EXTL3: variants seen among roughly 807,000 people sequenced by gnomAD.
EXTL3 encodes exostosin-like 3.
In EXTL3, 27 loss-of-function variants were observed where a neutral mutation model predicts 69.3. That is an observed-to-expected ratio of 0.39 (90% CI 0.29 to 0.54). The LOEUF is 0.54. Ranked by LOEUF, EXTL3 falls within the 20% of genes least tolerant of loss-of-function variation. EXTL3 has a pLI of 0.69. For missense variants in EXTL3, 1,003 were observed against 1,231.8 expected, an observed-to-expected ratio of 0.81 and a Z score of 2.78; for synonymous variants, 511 against 499.4, an observed-to-expected ratio of 1.02 and a Z score of -0.31.
At chr8:28,671,443 G>A (rs376564432) in intron 1 of EXTL3, among the ~76,000 whole-genome samples, 13 of 151,412 alleles carry the variant, frequency 8.6e-5, no homozygotes, top group Non-Finnish European at 1.5e-4. Context: ...GAGTTCAAGC[G>A]ATTCTTGTGC....
chr8:28,730,069 G>A (rs1801506773), intron 3 of EXTL3: 1 of 152,212 alleles, frequency 6.6e-6, no homozygotes, highest in African/African-American at 2.4e-5. Context: ...TCCTGGCAAG[G>A]AGGGTGTGGC....
At chr8:28,663,236 C>T (rs1807143944) in intron 1 of EXTL3, among the ~76,000 whole-genome samples, 1 of 152,140 alleles carries the variant, frequency 6.6e-6, no homozygotes, top group African/African-American at 2.4e-5. Context: ...CCCCAGGAAA[C>T]ATGCCATGGT....
chr8:28,644,900 A>T (rs1219827963), intron 1 of EXTL3, among the ~76,000 whole-genome samples: 1 of 152,206 alleles, frequency 6.6e-6, no homozygotes, highest in African/African-American at 2.4e-5. Flanking sequence ...CACATCTCTT[A>T]GATCTTACCA....
chr8:28,619,847 T>C (rs1465266699), upstream of EXTL3, among the ~76,000 whole-genome samples: 2 of 7,446 alleles, frequency 2.7e-4, no homozygotes, highest in Admixed American at 2.9e-3. Context: ...TTCTGGTTCT[T>C]TTTTTTTTTT....
intron 1 of EXTL3, among the ~76,000 whole-genome samples, chr8:28,672,966 C>G (rs370691273): frequency 6.6e-6 from 1 of 152,176 alleles, no homozygotes; most frequent in African/African-American, 2.4e-5. Context: ...GGGAGTTTCC[C>G]TGCACAAACT....
chr8:28,750,006 C>T lies in EXTL3; in HGVS notation c.2551-651C>T, dbSNP rs1288785407. Among the ~76,000 whole-genome samples the T allele has an allele frequency of 6.6e-6, 1 of 152,124 alleles. No individual in the cohort carries two copies. Among genetic ancestry groups the T allele is most frequent in the African/African-American group, 2.4e-5 (1 of 41,406 alleles). Reference sequence around the variant, plus strand: ...TTTCATTTCTTATTACAGGCTCTGCCCTGTATTTAAAGAGATGGTTTATGT... The same window carrying T: ...TTTCATTTCTTATTACAGGCTCTGCTCTGTATTTAAAGAGATGGTTTATGT... On this transcript the variant is annotated intron_variant, in intron 6 of 6. Transcript: ENST00000220562. The surrounding 1 kb of genome is among the most constrained non-coding windows in gnomAD (Gnocchi z 5.2).
chr8:28,643,426 C>CTTTTTTTTTTTTT (rs138680672), intron 1 of EXTL3, among the ~76,000 whole-genome samples: 1 of 143,978 alleles, frequency 6.9e-6, no homozygotes, highest in African/African-American at 2.6e-5. Context: ...TTCTTTTTTT[C>CTTTTTTTTTTTTT]TTTTTTGAGA....
chr8:28,650,819 C>T (rs998746305), intron 1 of EXTL3, among the ~76,000 whole-genome samples: 4 of 151,908 alleles, frequency 2.6e-5, no homozygotes, highest in Admixed American at 1.3e-4. Context: ...AAATACCATA[C>T]CTTGTTAAAA....
At chr8:28,662,681 A>G (rs775520734) in intron 1 of EXTL3, among the ~76,000 whole-genome samples, 2 of 152,216 alleles carry the variant, frequency 1.3e-5, no homozygotes, top group Non-Finnish European at 2.9e-5. Context: ...TGGGAGGCCA[A>G]GGCGGGTGGA....
intron 1 of EXTL3, among the ~76,000 whole-genome samples, chr8:28,680,642 C>A (rs1019964212): frequency 3.9e-5 from 6 of 152,078 alleles, no homozygotes; most frequent in Non-Finnish European, 1.5e-5. Context: ...ATTATAGTCA[C>A]CATGCTGTAC....
chr8:28,636,486 C>T (rs748415548), intron 1 of EXTL3, among the ~76,000 whole-genome samples: 1 of 152,170 alleles, frequency 6.6e-6, no homozygotes, highest in Non-Finnish European at 1.5e-5. Flanking sequence ...CTCTTGGTAT[C>T]TGCTCTCTCC....
At position 28,731,273 on chromosome 8, in the gene EXTL3, T is replaced by C; in HGVS notation, c.2199T>C (p.Asn733=). 1 of 1,614,204 alleles carries C rather than the reference T, an allele frequency of 6.2e-7. No homozygotes were observed. The highest frequency in any genetic ancestry group is 1.1e-5 in the South Asian group (1 of 91,086). ...NSLNNRFLPW[N]EIETEAILSI... ...TGAACAACCGATTCTTACCCTGGAATGAAATTGAGACAGAGGCCATCCTGT... is the reference window on the plus strand; with the variant it reads ...TGAACAACCGATTCTTACCCTGGAACGAAATTGAGACAGAGGCCATCCTGT... The change falls in exon 4 of 7, where the codon AAT becomes AAC. Residue 733 remains asparagine (N), a synonymous_variant. Transcript: ENST00000220562.
intron 1 of EXTL3, among the ~76,000 whole-genome samples, chr8:28,653,356 T>C (rs530660757): frequency 1.3e-5 from 2 of 152,366 alleles, no homozygotes; most frequent in African/African-American, 4.8e-5. Context: ...CATTGATGCA[T>C]ACAAGTTTTT....
chr8:28,619,930 G>GCGC (rs1251535004), upstream of EXTL3, among the ~76,000 whole-genome samples: 3 of 127,694 alleles, frequency 2.3e-5, no homozygotes, highest in Non-Finnish European at 4.7e-5. Flanking sequence ...GAGTACAGTG[G>GCGC]CGCGATCTTG....
At chr8:28,619,266 T>TA (rs755355444), upstream of EXTL3, among the ~76,000 whole-genome samples, 21 of 64,650 alleles carry the variant, frequency 3.2e-4, 3 homozygotes, top group Non-Finnish European at 5.3e-4. Flanking sequence ...AGCTTAGTGA[T>TA]AAAAAAAAAA....
At chr8:28,691,398 T>C (rs1367303941) in intron 1 of EXTL3, among the ~76,000 whole-genome samples, 5 of 152,184 alleles carry the variant, frequency 3.3e-5, no homozygotes, top group Non-Finnish European at 5.9e-5. Flanking sequence ...CATAGGATGC[T>C]CCAGTAACTT....
At chr8:28,738,130 T>A (rs2130784498) in intron 5 of EXTL3, among the ~76,000 whole-genome samples, 1 of 152,336 alleles carries the variant, frequency 6.6e-6, no homozygotes, top group East Asian at 1.9e-4. Context: ...TTACTTTCAC[T>A]GTGCCTCCTA....
chr8:28,701,877 C>G (rs973088129), intron 1 of EXTL3, among the ~76,000 whole-genome samples: 5 of 152,092 alleles, frequency 3.3e-5, no homozygotes, highest in African/African-American at 1.2e-4. Flanking sequence ...GAGAGGCCGC[C>G]AGGCCCTCGG....
At chr8:28,699,579 G>GCTCCCTGCAACCTCTGC (rs1800744020), upstream of EXTL3, 1 of 152,416 alleles carries the variant, frequency 6.6e-6, no homozygotes, top group Non-Finnish European at 1.5e-5. Flanking sequence ...TGCGATCTCG[G>GCTCCCTGCAACCTCTGC]CTCCCTGCAA....
Sources: gnomAD v4.1 joint callset for allele counts (sites outside exome capture counted in the v4.1 genomes callset) on GRCh38, gnomAD v4.1.1 for gene constraint, Gnocchi (gnomAD v3.1) non-coding constraint, MANE v1.5 for transcripts, NCBI Gene and HGNC (gene_info 2026-07-23, HGNC 2026-07-21) for gene names.